The following C5 variants were observed in gnomAD, a reference collection of about 807,000 sequenced individuals.
The protein encoded by C5 is complement C5.
A neutral mutation model predicts 218.8 loss-of-function variants in C5; 140 were observed. That is an observed-to-expected ratio of 0.64 (90% CI 0.56 to 0.74). The LOEUF is 0.74. Ranked by LOEUF, C5 falls within the 30% of genes least tolerant of loss-of-function variation. C5 has a pLI of 0.00. For synonymous variants in C5, 614 were observed against 682.3 expected (o/e 0.90, Z 1.56); for missense variants, 1,700 against 1,969.6 (o/e 0.86, Z 2.59).
At chr9:120,983,458 G>C (rs2047010363) in intron 25 of C5, among the ~76,000 whole-genome samples, 1 of 152,058 alleles carries the variant, frequency 6.6e-6, no homozygotes, top group Admixed American at 6.6e-5. Context: ...CCACTCCCCA[G>C]GTCCTCAAAT....
intron 9 of C5, 52 bp downstream of exon 9, chr9:121,025,402 T>C (rs936622022): frequency 2.0e-5 from 27 of 1,350,770 alleles, no homozygotes; most frequent in Admixed American, 2.5e-5. Context: ...TGTCTAAATA[T>C]TTTTCAAAAG....
chr9:120,993,404 T>C (rs768521409), intron 22 of C5, among the ~76,000 whole-genome samples: 6 of 150,240 alleles, frequency 4.0e-5, no homozygotes, highest in Non-Finnish European at 5.9e-5. Context: ...GAATTAAGTA[T>C]ACCTATAACA....
intron 17 of C5, among the ~76,000 whole-genome samples, chr9:121,009,855 T>C (rs536744637): frequency 1.3e-5 from 2 of 151,898 alleles, no homozygotes; most frequent in East Asian, 3.9e-4. Flanking sequence ...AGAGGGAGAG[T>C]GCAGTCATTC....
intron 27 of C5, 37 bp from the exon 28 acceptor site, chr9:120,980,291 A>T (rs919628907): frequency 6.3e-7 from 1 of 1,575,012 alleles, no homozygotes; most frequent in Admixed American, 1.7e-5. Flanking sequence ...TTCTATGTCA[A>T]GCAACCACCT....
In C5 at chr9:120,997,703, T is replaced by A; in HGVS notation, c.2634A>T (p.Thr878=). 1 of 1,614,222 alleles carries A rather than the reference T, an allele frequency of 6.2e-7. No homozygotes were observed. The highest frequency in any genetic ancestry group is 8.5e-7 in the Non-Finnish European group (1 of 1,180,044). The change falls in exon 21 of 41, where the codon ACA becomes ACT. Residue 878 remains threonine (T), a synonymous_variant. Coordinates refer to ENST00000223642, the MANE Select transcript of C5 (RefSeq NM_001735.3). ...SESPVIDHQG[T]KSSKCVRQKV... ...TCTGGCGCACACATTTGGAGGACTT[T>A]GTGCCCTGATGATCAATGACTGGGC...
intron 2 of C5, among the ~76,000 whole-genome samples, chr9:121,045,052 C>T (rs1377783397): frequency 2.7e-5 from 4 of 150,296 alleles, no homozygotes; most frequent in Non-Finnish European, 3.0e-5. Context: ...TGGGTTCAAG[C>T]GATTCTCCTG....
In C5 at chr9:120,991,965, T is replaced by C. The variant is rs143684335; in HGVS notation, c.2852-685A>G. Reference sequence around the variant, plus strand: ...GGAAATTGAGGCTTAGAAAGTAACGTGTTCAAGGTCCCAGAAACAATACAA... The same window carrying C: ...GGAAATTGAGGCTTAGAAAGTAACGCGTTCAAGGTCCCAGAAACAATACAA... On this transcript the variant is annotated intron_variant, in intron 22 of 40. Transcript: ENST00000223642. Among the ~76,000 whole-genome samples, 820 of 152,352 alleles carry C rather than the reference T, an allele frequency of 5.4e-3. 10 individuals are homozygous for C. Among genetic ancestry groups the C allele is most frequent in the African/African-American group, 0.019 (780 of 41,584 alleles).
chr9:121,015,281 A>G lies in C5; in HGVS notation c.1997-20T>C, dbSNP rs772596816. 3 of 1,530,776 alleles carry G rather than the reference A, an allele frequency of 2.0e-6. No homozygotes were observed. The highest frequency in any genetic ancestry group is 1.1e-5 in the South Asian group (1 of 88,826). The allele number at this position is 1,530,776 out of a possible 1,614,324, so 94.8% of individuals were successfully genotyped here. A position where few individuals can be genotyped will look rare whatever the true frequency, so the allele number is the denominator to read the frequency against. On this transcript the variant is annotated intron_variant, in intron 15 of 40. Coordinates refer to ENST00000223642, the MANE Select transcript of C5 (RefSeq NM_001735.3). Reference sequence around the variant, plus strand: ...GTTCATCTGGTTTTTTTAAAAAAAGATAAAGAAGAAGGATTAAAAAGGAGA... The same window carrying G: ...GTTCATCTGGTTTTTTTAAAAAAAGGTAAAGAAGAAGGATTAAAAAGGAGA...
At position 120,957,299 on chromosome 9, in the gene C5, T is replaced by C; in HGVS notation, c.4748A>G (p.Asp1583Gly). ...TGAATTCTCACCAGTTTTGTAGATA[T>C]CCAGAAGGGTTGCCTTGTACTTGAC... ...VFVKYKATLL[D>G]IYKTGEAVAE... Residue 1583 changes from aspartate (D) to glycine (G), a missense_variant, in exon 39 of 41, where the codon GAT becomes GGT. By Grantham distance (94) the Asp-to-Gly change is moderately conservative. Coordinates refer to ENST00000223642, the MANE Select transcript of C5 (RefSeq NM_001735.3). 3.7e-6 allele frequency: 6 copies of C among 1,609,860 alleles called. No homozygotes were observed. Among genetic ancestry groups the C allele is most frequent in the Non-Finnish European group, 5.1e-6 (6 of 1,176,444 alleles).
the C5 span, among the ~76,000 whole-genome samples, chr9:121,069,339 C>T: frequency 8.5e-5 from 13 of 152,136 alleles, no homozygotes; most frequent in African/African-American, 2.9e-4. Context: ...TCTGAATAGA[C>T]ACTTCTCAAA....
chr9:121,043,990 G>C (rs564738664), intron 2 of C5, among the ~76,000 whole-genome samples: 1 of 152,150 alleles, frequency 6.6e-6, no homozygotes, highest in Non-Finnish European at 1.5e-5. Context: ...TGATAAAAAA[G>C]AAAAGTGTAT....
chr9:121,021,081 G>C (rs184333576), intron 11 of C5, among the ~76,000 whole-genome samples: 30 of 152,226 alleles, frequency 2.0e-4, no homozygotes, highest in Admixed American at 1.6e-3. Flanking sequence ...TATTTGCTGC[G>C]AGAGAAGACT....
chr9:120,953,198 A>G (rs2046758911), intron 40 of C5, among the ~76,000 whole-genome samples: 1 of 152,144 alleles, frequency 6.6e-6, no homozygotes, highest in Non-Finnish European at 1.5e-5. Flanking sequence ...TGCTGGGATT[A>G]CAGGTGTGAG....
At chr9:120,958,961 A>G (rs2046806276) in intron 38 of C5, among the ~76,000 whole-genome samples, 1 of 151,958 alleles carries the variant, frequency 6.6e-6, no homozygotes, top group East Asian at 1.9e-4. Context: ...TAATTTTTGT[A>G]TTTTTTGTAG....
At chr9:121,064,015 T>C in the C5 span, among the ~76,000 whole-genome samples, 30 of 152,368 alleles carry the variant, frequency 2.0e-4, no homozygotes, top group Admixed American at 1.6e-3. Flanking sequence ...ATTATATCAC[T>C]GCTTCTCATG....
At chr9:120,994,335 C>G (rs1224000743) in intron 22 of C5, among the ~76,000 whole-genome samples, 2 of 152,100 alleles carry the variant, frequency 1.3e-5, no homozygotes, top group Non-Finnish European at 2.9e-5. Context: ...GTAGTCCCAG[C>G]ATTTTGGGAG....
At chr9:120,985,375 C>T (rs2047025505) in intron 25 of C5, among the ~76,000 whole-genome samples, 1 of 152,090 alleles carries the variant, frequency 6.6e-6, no homozygotes, top group Admixed American at 6.6e-5. Context: ...TTTTAGTCAC[C>T]TTGAAGAGAA....
chr9:121,002,397 G>A (rs71509550), intron 20 of C5, among the ~76,000 whole-genome samples: 2,964 of 148,512 alleles, frequency 0.02, 75 homozygotes, highest in Middle Eastern at 0.036. Context: ...GAGCAGAGGA[G>A]CCCTTGCTGA....
chr9:120,999,637 A>G (rs1248743863), intron 20 of C5: 2 of 232,594 alleles, frequency 8.6e-6, no homozygotes, highest in Non-Finnish European at 1.7e-5. Flanking sequence ...ACACACACAC[A>G]CGAAAAATCT....
Sources: gnomAD v4.1 joint callset for allele counts (sites outside exome capture counted in the v4.1 genomes callset) on GRCh38, gnomAD v4.1.1 for gene constraint, MANE v1.5 for transcripts, NCBI Gene and HGNC (gene_info 2026-07-23, HGNC 2026-07-21) for gene names.